The following STARD13 variants were observed in gnomAD, a reference collection of about 807,000 sequenced individuals.
STARD13 encodes StAR related lipid transfer domain containing 13, also known as stAR-related lipid transfer protein 13.
STARD13 carries 62 observed loss-of-function variants against 106.4 expected under a neutral mutation model. That is an observed-to-expected ratio of 0.58 (90% CI 0.48 to 0.72). STARD13 has a LOEUF of 0.72. STARD13 is among the 30% of genes least tolerant of loss of function. The probability of loss-of-function intolerance (pLI) is 0.00; values close to 1 mark genes in which losing one functional copy is unlikely to be tolerated. For missense variants in STARD13, 1,387 were observed against 1,424.0 expected, an observed-to-expected ratio of 0.97 and a Z score of 0.42; for synonymous variants, 565 against 553.0, an observed-to-expected ratio of 1.02 and a Z score of -0.31.
At chr13:33,231,859 C>T (rs73179046) in intron 1 of STARD13, among the ~76,000 whole-genome samples, 135 of 152,286 alleles carry the variant, frequency 8.9e-4, no homozygotes, top group South Asian at 1.9e-3. Flanking sequence ...CCCTTGGTAT[C>T]CACAGGGGAT....
intron 1 of STARD13, among the ~76,000 whole-genome samples, chr13:33,247,158 C>T (rs1464286954): frequency 2.0e-5 from 3 of 152,102 alleles, no homozygotes; most frequent in East Asian, 1.9e-4. Flanking sequence ...GATCACACCA[C>T]TGCACTCCAG....
the STARD13 span, among the ~76,000 whole-genome samples, chr13:33,580,919 C>A: frequency 6.6e-6 from 1 of 152,122 alleles, no homozygotes; most frequent in African/African-American, 2.4e-5. Context: ...TCTTAAGAAA[C>A]CCAAACCATA....
chr13:33,503,081 G>A, the STARD13 span, among the ~76,000 whole-genome samples: 2 of 152,106 alleles, frequency 1.3e-5, no homozygotes, highest in Admixed American at 1.3e-4. Flanking sequence ...TCTATTCAGG[G>A]ATTTAACTTC....
the STARD13 span, among the ~76,000 whole-genome samples, chr13:33,389,489 A>G: frequency 2.0e-5 from 3 of 152,098 alleles, no homozygotes; most frequent in African/African-American, 7.3e-5. Context: ...ATTGCTTCTC[A>G]CTGCATCCTC....
chr13:33,490,147 A>C, the STARD13 span, among the ~76,000 whole-genome samples: 1 of 152,156 alleles, frequency 6.6e-6, no homozygotes, highest in Non-Finnish European at 1.5e-5. Context: ...GATTTCAAAA[A>C]TTTGTTTTTT....
chr13:33,622,632 A>AAAAAAG, the STARD13 span, among the ~76,000 whole-genome samples: 1 of 149,502 alleles, frequency 6.7e-6, no homozygotes, highest in Non-Finnish European at 1.5e-5. Flanking sequence ...AAAAAAAAAA[A>AAAAAAG]AAAAAAAGGC....
At chr13:33,225,551 AT>A (rs1270112199) in intron 1 of STARD13, among the ~76,000 whole-genome samples, 1 of 152,160 alleles carries the variant, frequency 6.6e-6, no homozygotes, top group African/African-American at 2.4e-5. Context: ...GGTACATAAT[AT>A]TTATGCTGCT....
At chr13:33,447,358 A>G in the STARD13 span, among the ~76,000 whole-genome samples, 1 of 152,184 alleles carries the variant, frequency 6.6e-6, no homozygotes, top group Non-Finnish European at 1.5e-5. Flanking sequence ...CTAGACAGGG[A>G]TGTAGGCTTC....
Position 33,343,590 on chromosome 13 carries a change from A to AAAC in STARD13, c.124+6699_124+6700insGTT, listed in dbSNP as rs1566150487. ...GAGACCCTGTCTTAAAAAAAAAAAA[A>AAAC]AAAAAAACAAATCTACAAATCTAGT... On this transcript the variant is annotated intron_variant, in intron 1 of 5. Transcript: ENST00000567873. 4.1e-4 allele frequency among the ~76,000 whole-genome samples: 39 copies of AAAC among 94,842 alleles called. 1 individual carries two copies. In the South Asian group the frequency reaches 0.015, roughly 36 times the overall value. 62.2% of individuals were successfully genotyped at this position (94,842 alleles called of 152,430 possible). A position where few individuals can be genotyped will look rare whatever the true frequency, so the allele number is the denominator to read the frequency against.
At chr13:33,207,985 A>T (rs984191946) in intron 1 of STARD13, among the ~76,000 whole-genome samples, 3 of 152,298 alleles carry the variant, frequency 2.0e-5, no homozygotes, top group Non-Finnish European at 4.4e-5. Flanking sequence ...CTACTTCCAT[A>T]ATAGTTTCAT....
intron 1 of STARD13, among the ~76,000 whole-genome samples, chr13:33,253,187 A>G (rs1890174416): frequency 6.6e-6 from 1 of 152,178 alleles, no homozygotes; most frequent in African/African-American, 2.4e-5. Flanking sequence ...TATGGTCTTA[A>G]GGCAATGACT....
At chr13:33,174,501 C>T (rs146109060) in intron 1 of STARD13, among the ~76,000 whole-genome samples, 136 of 152,246 alleles carry the variant, frequency 8.9e-4, no homozygotes, top group African/African-American at 3.1e-3. Flanking sequence ...CAAGAGCCAT[C>T]CCCTAACCCA....
rs75380670 is a variant in STARD13 at position 33,277,358 on chromosome 13, C to T, written c.169+8112G>A. 649 of 152,244 alleles carry T rather than the reference C, an allele frequency of 4.3e-3. 4 individuals are homozygous for T. Among genetic ancestry groups the T allele is most frequent in the African/African-American group, 0.015 (626 of 41,548 alleles). The allele number at this position is 152,244 out of a possible 1,614,324, so 9.4% of individuals were successfully genotyped here. ...GACTTCCTGGAAATTGATAAGTTGT[C>T]TCCATAACTAAAGCAAGCAGATTTT... On this transcript the variant is annotated intron_variant, in intron 1 of 13. Coordinates refer to ENST00000336934, the MANE Select transcript of STARD13 (RefSeq NM_178006.4).
chr13:33,641,451 T>C, the STARD13 span, among the ~76,000 whole-genome samples: 1 of 152,064 alleles, frequency 6.6e-6, no homozygotes, highest in East Asian at 1.9e-4. Context: ...ATATTTTAGG[T>C]TTTATGGCTA....
chr13:33,136,972 C>T (rs959978833), intron 4 of STARD13, among the ~76,000 whole-genome samples: 4 of 152,210 alleles, frequency 2.6e-5, no homozygotes, highest in African/African-American at 9.6e-5. Context: ...AAGCAGGGGC[C>T]CCTGCCAGGC....
Position 33,285,710 on chromosome 13 carries a change from A to T in STARD13, c.-72T>A. ...CGTCTGTCTCCAGTCTCAGTCAAAG[A>T]GCAAGGCACCCAGCCCAGGACAGCT... On this transcript the variant is annotated 5_prime_UTR_variant, in exon 1 of 14. Coordinates refer to ENST00000336934, the MANE Select transcript of STARD13 (RefSeq NM_178006.4). 1 of 1,585,586 alleles carries T rather than the reference A, an allele frequency of 6.3e-7. No individual in the cohort carries two copies. Among genetic ancestry groups the T allele is most frequent in the Non-Finnish European group, 8.6e-7 (1 of 1,168,524 alleles).
downstream of STARD13, among the ~76,000 whole-genome samples, chr13:33,345,437 G>A (rs117151890): frequency 2.0e-5 from 3 of 152,190 alleles, no homozygotes; most frequent in Admixed American, 2.0e-4. Context: ...AGGAGGCCAT[G>A]TGGTACAATA....
intron 1 of STARD13, among the ~76,000 whole-genome samples, chr13:33,343,605 A>AAC (rs2077987851): frequency 8.8e-5 from 1 of 11,300 alleles, no homozygotes; most frequent in Non-Finnish European, 2.0e-4. Context: ...AAACAAATCT[A>AAC]CAAATCTAGT....
At chr13:33,338,909 A>T (rs1280005732) in intron 1 of STARD13, among the ~76,000 whole-genome samples, 2 of 146,460 alleles carry the variant, frequency 1.4e-5, no homozygotes, top group Non-Finnish European at 3.0e-5. Context: ...AAAAAAAGAA[A>T]GAAAGATACA....
Sources: allele counts gnomAD v4.1 joint callset (sites outside exome capture counted in the v4.1 genomes callset), GRCh38; gene constraint gnomAD v4.1.1; transcripts MANE v1.5; gene names NCBI Gene and HGNC (gene_info 2026-07-23, HGNC 2026-07-21).